The following PMFBP1 variants were observed in gnomAD, a reference collection of about 807,000 sequenced individuals.
PMFBP1 encodes polyamine-modulated factor 1-binding protein 1.
In PMFBP1, 131 loss-of-function variants were observed where a neutral mutation model predicts 137.8. The observed-to-expected ratio is 0.95, with a 90% CI of 0.82 to 1.10. PMFBP1 has a LOEUF of 1.10. Among genes scored for constraint, PMFBP1 ranks in the 50% least tolerant of loss-of-function variants. The pLI is 0.00. For synonymous variants in PMFBP1, 490 were observed against 450.4 expected (o/e 1.09, Z -1.11); for missense variants, 1,199 against 1,175.4 (o/e 1.02, Z -0.29).
At chr16:72,144,867 C>T (rs570526996) in intron 5 of PMFBP1, among the ~76,000 whole-genome samples, 1 of 152,072 alleles carries the variant, frequency 6.6e-6, no homozygotes, top group African/African-American at 2.4e-5. Flanking sequence ...AGAGGAGCAC[C>T]CAGATTCATA....
In PMFBP1 at chr16:72,120,050, G is replaced by T; in HGVS notation, c.2808C>A (p.Asn936Lys). 6.2e-7 allele frequency: 1 copy of T among 1,614,162 alleles called. No individual in the cohort carries two copies. Among genetic ancestry groups the T allele is most frequent in the Non-Finnish European group, 8.5e-7 (1 of 1,180,030 alleles). Reference protein sequence around the residue: ...HSVMVHLQQENKKLKKEIEEK... With the variant: ...HSVMVHLQQEKKKLKKEIEEK... ...CTTCTATCTCCTTCTTCAGCTTCTT[G>T]TTTTCCTGCTGCAAGTGGACCATTA... The change falls in exon 20 of 21, where the codon AAC becomes AAA. Residue 936 changes from asparagine (N) to lysine (K), a missense_variant. Asn to Lys is a moderately conservative substitution (Grantham distance 94). Transcript: ENST00000237353.
chr16:72,155,617 A>C (rs1025121299), intron 3 of PMFBP1, among the ~76,000 whole-genome samples: 13 of 152,232 alleles, frequency 8.5e-5, no homozygotes, highest in African/African-American at 3.1e-4. Context: ...CGAGGGGTTG[A>C]GCTTGTGGCC....
At chr16:72,244,850 G>A in the PMFBP1 span, among the ~76,000 whole-genome samples, 1 of 152,212 alleles carries the variant, frequency 6.6e-6, no homozygotes, top group East Asian at 1.9e-4. Context: ...AAGAATGGAA[G>A]GGGTTAAAAA....
the PMFBP1 span, among the ~76,000 whole-genome samples, chr16:72,218,489 C>G: frequency 3.9e-5 from 6 of 152,080 alleles, no homozygotes; most frequent in African/African-American, 1.4e-4. Flanking sequence ...CCATGTTGGC[C>G]AAGCTGGTCT....
At chr16:72,193,725 A>G in the PMFBP1 span, among the ~76,000 whole-genome samples, 1 of 33,462 alleles carries the variant, frequency 3.0e-5, no homozygotes, top group Non-Finnish European at 6.2e-5. Flanking sequence ...ATCAGTGAGG[A>G]AAAAAAAAAA....
chr16:72,128,923 C>T (rs2042504241), intron 13 of PMFBP1, 129 bp from the exon 14 acceptor site: 3 of 1,506,032 alleles, frequency 2.0e-6, no homozygotes, highest in African/African-American at 1.4e-5. Flanking sequence ...ATTCTCGCTC[C>T]CCTCCTCGCT....
At chr16:72,190,881 G>A in the PMFBP1 span, among the ~76,000 whole-genome samples, 1 of 152,296 alleles carries the variant, frequency 6.6e-6, no homozygotes, top group Non-Finnish European at 1.5e-5. Context: ...AGGACTTTGA[G>A]GGAAGACCTA....
the PMFBP1 span, among the ~76,000 whole-genome samples, chr16:72,233,406 T>C: frequency 5.9e-5 from 9 of 152,188 alleles, no homozygotes; most frequent in African/African-American, 9.6e-5. Context: ...TACATCTTTG[T>C]TGGGCTTGGA....
intron 3 of PMFBP1, among the ~76,000 whole-genome samples, chr16:72,156,969 C>T (rs955089494): frequency 2.6e-5 from 4 of 151,374 alleles, no homozygotes; most frequent in East Asian, 2.0e-4. Context: ...AGGCAGATCA[C>T]GAGGTCAGGA....
rs144611852 is a variant in PMFBP1, at chr16:72,122,930, G to A, written c.2752C>T (p.Leu918=). ...LREQVKYIAK[L]SGEKDHLHSV... is the part of the protein sequence containing the mutation. ...ATGACTTACTCCTTTTCGCCACTCA[G>A]CTTGGCAATGTATTTCACCTGCTCT... The change falls in exon 19 of 21, where the codon CTG becomes TTG. Residue 918 remains leucine (L), a synonymous_variant. Coordinates refer to ENST00000237353, the MANE Select transcript of PMFBP1 (RefSeq NM_031293.3). 150 of 1,613,218 alleles carry A rather than the reference G, an allele frequency of 9.3e-5. No individual in the cohort carries two copies. Among genetic ancestry groups the A allele is most frequent in the Non-Finnish European group, 1.2e-4 (147 of 1,179,914 alleles).
At chr16:72,151,623 C>T (rs2042904340) in intron 4 of PMFBP1, among the ~76,000 whole-genome samples, 1 of 152,148 alleles carries the variant, frequency 6.6e-6, no homozygotes, top group Non-Finnish European at 1.5e-5. Context: ...GCTGATAGAA[C>T]ATGTTCCATT....
the PMFBP1 span, among the ~76,000 whole-genome samples, chr16:72,234,712 T>C: frequency 1.3e-5 from 2 of 152,218 alleles, no homozygotes; most frequent in Admixed American, 6.5e-5. Context: ...CTCACTCTCA[T>C]GACTTTGTGT....
chr16:72,136,702 T>A lies in PMFBP1; in HGVS notation c.1036A>T (p.Ile346Phe). 1 of 1,614,194 alleles carries A rather than the reference T, an allele frequency of 6.2e-7. No individual in the cohort carries two copies. Among genetic ancestry groups the A allele is most frequent in the Non-Finnish European group, 8.5e-7 (1 of 1,180,038 alleles). ...TGCAGCCCCAGTTTACCCTTCATGATGTTTCTCTTCTGTTCCGACACGGCC... is the reference window on the plus strand; with the variant it reads ...TGCAGCCCCAGTTTACCCTTCATGAAGTTTCTCTTCTGTTCCGACACGGCC... ...LEAVSEQKRN[I>F]MKDMMKLELD... is the part of the protein sequence containing the mutation. Residue 346 changes from isoleucine (I) to phenylalanine (F), a missense_variant, in exon 8 of 21, where the codon ATC becomes TTC. By Grantham distance (21) the Ile-to-Phe change is conservative (BLOSUM62 0). Coordinates refer to ENST00000237353, the MANE Select transcript of PMFBP1 (RefSeq NM_031293.3).
intron 3 of PMFBP1, chr16:72,164,361 A>C: frequency 2.4e-6 from 3 of 1,262,950 alleles, no homozygotes; most frequent in Non-Finnish European, 2.1e-6. Flanking sequence ...ACCCCAATGG[A>C]CACTGATACC....
the PMFBP1 span, among the ~76,000 whole-genome samples, chr16:72,223,278 T>G: frequency 6.6e-6 from 1 of 152,264 alleles, no homozygotes; most frequent in African/African-American, 2.4e-5. Flanking sequence ...ATTAGTGAAC[T>G]GGCATTACTA....
chr16:72,211,564 A>G, the PMFBP1 span, among the ~76,000 whole-genome samples: 1 of 152,216 alleles, frequency 6.6e-6, no homozygotes, highest in Non-Finnish European at 1.5e-5. Flanking sequence ...ACAAACAGAA[A>G]GAGAAATAAT....
the PMFBP1 span, among the ~76,000 whole-genome samples, chr16:72,227,808 T>C: frequency 2.4e-4 from 36 of 152,356 alleles, no homozygotes; most frequent in East Asian, 5.0e-3. Flanking sequence ...ATGTGGTTTC[T>C]ATCAAGGTTA....
chr16:72,187,689 A>C, the PMFBP1 span, among the ~76,000 whole-genome samples: 2 of 152,324 alleles, frequency 1.3e-5, 1 homozygote, highest in South Asian at 4.1e-4. Context: ...ATGAACAGTC[A>C]TTTCCTCCCA....
the PMFBP1 span, among the ~76,000 whole-genome samples, chr16:72,189,894 T>C: frequency 6.6e-6 from 1 of 152,088 alleles, no homozygotes. Flanking sequence ...GATAAAATCA[T>C]AGGGGTGTGG....
Sources: gnomAD v4.1 joint callset for allele counts (sites outside exome capture counted in the v4.1 genomes callset) on GRCh38, gnomAD v4.1.1 for gene constraint, MANE v1.5 for transcripts, NCBI Gene and HGNC (gene_info 2026-07-23, HGNC 2026-07-21) for gene names.